Variants in PPP2R2B observed in about 807,000 individuals in gnomAD.
The protein encoded by PPP2R2B is protein phosphatase 2 regulatory subunit Bbeta.
In PPP2R2B, 5 loss-of-function variants were observed where a neutral mutation model predicts 46.0. That is an observed-to-expected ratio of 0.11 (90% CI 0.06 to 0.23). PPP2R2B has a LOEUF of 0.23. PPP2R2B is among the 10% of genes least tolerant of loss of function. The probability of loss-of-function intolerance (pLI) is 1.00; values close to 1 mark genes in which losing one functional copy is unlikely to be tolerated. For missense variants in PPP2R2B, 367 were observed against 575.0 expected, an observed-to-expected ratio of 0.64 and a Z score of 3.70; for synonymous variants, 215 against 206.7, an observed-to-expected ratio of 1.04 and a Z score of -0.34.
chr5:146,820,158 C>T (rs1758169827), intron 2 of PPP2R2B, among the ~76,000 whole-genome samples: 1 of 152,042 alleles, frequency 6.6e-6, no homozygotes, highest in African/African-American at 2.4e-5. Flanking sequence ...CTATAGTTAA[C>T]AATAAGATAT....
intron 1 of PPP2R2B, among the ~76,000 whole-genome samples, chr5:146,968,999 G>A (rs1274056766): frequency 1.3e-5 from 2 of 152,316 alleles, no homozygotes; most frequent in Admixed American, 1.3e-4. Context: ...AATTCAGGAC[G>A]TTTAACAAGT....
chr5:146,600,795 A>G (rs1771709357), intron 7 of PPP2R2B, among the ~76,000 whole-genome samples: 1 of 152,208 alleles, frequency 6.6e-6, no homozygotes, highest in Non-Finnish European at 1.5e-5. Flanking sequence ...GATAGTTAAA[A>G]AAATTTGTTT....
intron 1 of PPP2R2B, among the ~76,000 whole-genome samples, chr5:146,953,864 A>G (rs1383982017): frequency 6.6e-6 from 1 of 152,194 alleles, no homozygotes; most frequent in Admixed American, 6.5e-5. Flanking sequence ...AAATGTGGAT[A>G]TTTTAATAAG....
intron 2 of PPP2R2B, among the ~76,000 whole-genome samples, chr5:146,842,693 C>T (rs914385074): frequency 1.3e-5 from 2 of 151,930 alleles, no homozygotes; most frequent in Non-Finnish European, 2.9e-5. Flanking sequence ...TCTATGTATC[C>T]GTGTGTTCTC....
chr5:147,004,455 A>C (rs549774544), intron 1 of PPP2R2B, among the ~76,000 whole-genome samples: 1 of 152,170 alleles, frequency 6.6e-6, no homozygotes, highest in African/African-American at 2.4e-5. Flanking sequence ...TGGCCTTCTC[A>C]ATGTTAATCT....
In PPP2R2B at chr5:147,077,176, TATA is replaced by T. The variant is rs906524958; in HGVS notation, c.50+3880_50+3882del. Among the ~76,000 whole-genome samples the T allele has an allele frequency of 7.4e-5, 11 of 147,652 alleles. No homozygotes were observed. The East Asian group carries it at 9.8e-4, about 13-fold the overall frequency. ...TGTATATTGTATATTATTATATATG[TATA>T]ATATTGTATATTATATATTATATAT... is the stretch of plus-strand genomic sequence containing the variant. On this transcript the variant is annotated intron_variant, in intron 2 of 10. Coordinates refer to the PPP2R2B transcript ENST00000394413.
intron 5 of PPP2R2B, among the ~76,000 whole-genome samples, chr5:146,681,064 T>C (rs772748595): frequency 3.9e-5 from 6 of 152,170 alleles, no homozygotes; most frequent in Non-Finnish European, 8.8e-5. Context: ...AATGCTTACA[T>C]CAATGCATCA....
At chr5:146,708,389 C>CTATG (rs1482253151) in intron 2 of PPP2R2B, among the ~76,000 whole-genome samples, 1 of 133,318 alleles carries the variant, frequency 7.5e-6, no homozygotes, top group Non-Finnish European at 1.6e-5. Flanking sequence ...ATCTGTATAT[C>CTATG]TATGTATGTG....
At chr5:146,954,927 A>G (rs778899855) in intron 1 of PPP2R2B, among the ~76,000 whole-genome samples, 15 of 152,240 alleles carry the variant, frequency 9.9e-5, no homozygotes, top group Non-Finnish European at 1.9e-4. Context: ...TTCACTGACC[A>G]TCAGAATAAA....
chr5:146,839,444 T>G (rs1759495775), intron 2 of PPP2R2B, among the ~76,000 whole-genome samples: 1 of 152,138 alleles, frequency 6.6e-6, no homozygotes. Context: ...CGCTTGAGCC[T>G]GGGAGATGGA....
intron 2 of PPP2R2B, among the ~76,000 whole-genome samples, chr5:146,801,154 C>T (rs1756843209): frequency 6.6e-6 from 1 of 151,496 alleles, no homozygotes; most frequent in Non-Finnish European, 1.5e-5. Context: ...AGTAGGATAG[C>T]AGTTACCAGG....
At chr5:146,608,231 G>A (rs1331873383) in intron 7 of PPP2R2B, among the ~76,000 whole-genome samples, 1 of 152,058 alleles carries the variant, frequency 6.6e-6, no homozygotes, top group Non-Finnish European at 1.5e-5. Context: ...CCCTAGGACT[G>A]GTAGCACCAT....
chr5:147,064,471 C>T (rs950330972), intron 2 of PPP2R2B, among the ~76,000 whole-genome samples: 10 of 152,180 alleles, frequency 6.6e-5, no homozygotes, highest in Non-Finnish European at 1.2e-4. Context: ...CTCCCACACC[C>T]TATATTGAGA....
chr5:146,994,252 G>A (rs1419530010), intron 1 of PPP2R2B, among the ~76,000 whole-genome samples: 1 of 152,128 alleles, frequency 6.6e-6, no homozygotes, highest in African/African-American at 2.4e-5. Context: ...AGGGAACTGG[G>A]GACAAGGGTG....
At chr5:146,682,251 G>A (rs965955548) in intron 5 of PPP2R2B, among the ~76,000 whole-genome samples, 2 of 152,172 alleles carry the variant, frequency 1.3e-5, no homozygotes, top group Non-Finnish European at 2.9e-5. Flanking sequence ...CAGATTCAAA[G>A]CATAATGAAT....
At chr5:146,861,365 A>G (rs866619897) in intron 2 of PPP2R2B, among the ~76,000 whole-genome samples, 12 of 148,436 alleles carry the variant, frequency 8.1e-5, no homozygotes, top group African/African-American at 2.5e-4. Flanking sequence ...CTAATTTCCT[A>G]TATTTTTAGT....
chr5:147,057,105 G>T (rs1047630485), upstream of PPP2R2B, among the ~76,000 whole-genome samples: 24 of 152,166 alleles, frequency 1.6e-4, no homozygotes, highest in African/African-American at 5.6e-4. Flanking sequence ...GAAATGTGCT[G>T]GTCTCCCCAG....
rs141365470 is a variant in PPP2R2B at position 146,873,895 on chromosome 5, A to AT, written c.70+4106dup. Among the ~76,000 whole-genome samples the AT allele has an allele frequency of 4.5e-4, 69 of 152,234 alleles. No homozygotes were observed. In the East Asian group the frequency reaches 0.011, roughly 24 times the overall value. The stretch of plus-strand genomic sequence containing the variant: ...AAAATGAACTGCAGACTCCATTCTC[A>AT]TTTTTATCACTCTTCTCCCTGTTCC... On this transcript the variant is annotated intron_variant, in intron 2 of 9. Transcript: ENST00000394411.
At chr5:147,002,075 C>T (rs1269146804) in intron 1 of PPP2R2B, among the ~76,000 whole-genome samples, 1 of 152,174 alleles carries the variant, frequency 6.6e-6, no homozygotes, top group Non-Finnish European at 1.5e-5. Flanking sequence ...GTCAAACTTC[C>T]TCTTGCCTCT....
Sources: gnomAD v4.1 joint callset for allele counts (sites outside exome capture counted in the v4.1 genomes callset) on GRCh38, gnomAD v4.1.1 for gene constraint, MANE v1.5 for transcripts, NCBI Gene and HGNC (gene_info 2026-07-23, HGNC 2026-07-21) for gene names.